The following RBFOX3 variants were observed in gnomAD, a reference collection of about 807,000 sequenced individuals.
RBFOX3 encodes the protein RNA binding protein fox-1 homolog 3.
RBFOX3 carries 17 observed loss-of-function variants against 48.7 expected under a neutral mutation model. That is an observed-to-expected ratio of 0.35 (90% CI 0.24 to 0.52). RBFOX3 has a LOEUF of 0.52. RBFOX3 is among the 20% of genes least tolerant of loss of function. The pLI is 0.94. For synonymous variants in RBFOX3, 212 were observed against 209.5 expected (o/e 1.01, Z -0.10); for missense variants, 382 against 497.5 (o/e 0.77, Z 2.21).
Position 79,545,788 on chromosome 17 carries a change from C to T in RBFOX3, c.-319-63190G>A, listed in dbSNP as rs567783068. On this transcript the variant is annotated intron_variant, in intron 1 of 14. Transcript: ENST00000693108. ...CCACCCTGCTCCAGGTTCTCACAGC[C>T]ACCAGGACGGTTCCAGACATGCACA... 2.6e-5 allele frequency among the ~76,000 whole-genome samples: 4 copies of T among 152,358 alleles called. No individual in the cohort carries two copies. In the East Asian group the frequency reaches 7.7e-4, roughly 29 times the overall value.
the RBFOX3 span, among the ~76,000 whole-genome samples, chr17:79,639,956 T>C: frequency 6.6e-6 from 1 of 152,194 alleles, no homozygotes; most frequent in Non-Finnish European, 1.5e-5. Flanking sequence ...TTCAACGTAG[T>C]ACAGGAAGTT....
intron 1 of RBFOX3, among the ~76,000 whole-genome samples, chr17:79,558,612 AC>A (rs1165099203): frequency 1.3e-5 from 2 of 152,016 alleles, no homozygotes; most frequent in African/African-American, 4.8e-5. Flanking sequence ...GGCTCCATGC[AC>A]TCACTGCTTG....
At chr17:79,372,486 G>A (rs884446) in intron 2 of RBFOX3, among the ~76,000 whole-genome samples, 30,755 of 149,060 alleles carry the variant, frequency 0.21, 3,185 homozygotes, top group East Asian at 0.35. Context: ...CCATGGCTCC[G>A]CCTCTGTGTG....
At chr17:79,611,755 G>A (rs2145584135), upstream of RBFOX3, among the ~76,000 whole-genome samples, 1 of 152,292 alleles carries the variant, frequency 6.6e-6, no homozygotes, top group South Asian at 2.1e-4. Context: ...CAGGTGCCCT[G>A]ACTTCCTGGA....
At chr17:79,092,669 A>T (rs2074172777) in intron 14 of RBFOX3, 1 of 972,924 alleles carries the variant, frequency 1.0e-6, no homozygotes, top group South Asian at 4.7e-5. Context: ...AAAAACAGCC[A>T]ATCAGTACCG....
At chr17:79,516,748 A>C (rs1227059064) in intron 1 of RBFOX3, among the ~76,000 whole-genome samples, 1 of 152,224 alleles carries the variant, frequency 6.6e-6, no homozygotes, top group Non-Finnish European at 1.5e-5. Context: ...CACACTGTGC[A>C]TGGATGGATG....
rs138992402 is a variant in RBFOX3 at position 79,214,792 on chromosome 17, A to G, written c.-34+20974T>C. Reference sequence around the variant, plus strand: ...CCTCATTACAAGGCTTGTTAAATGCACAGACAGGATATTAGCGTTTAAACA... The same window carrying G: ...CCTCATTACAAGGCTTGTTAAATGCGCAGACAGGATATTAGCGTTTAAACA... On this transcript the variant is annotated intron_variant, in intron 4 of 14. Transcript: ENST00000693108. The surrounding 1 kb of genome is among the most constrained non-coding windows in gnomAD (Gnocchi z 4.7). Among the ~76,000 whole-genome samples, 4 of 152,272 alleles carry G rather than the reference A, an allele frequency of 2.6e-5. No individual in the cohort carries two copies. The East Asian group carries it at 7.7e-4, about 29-fold the overall frequency.
chr17:79,173,093 C>T (rs2049716815), intron 4 of RBFOX3, among the ~76,000 whole-genome samples: 1 of 152,106 alleles, frequency 6.6e-6, no homozygotes, highest in Admixed American at 6.5e-5. Flanking sequence ...GCCTGTAATC[C>T]CAGCTACTTG....
intron 4 of RBFOX3, among the ~76,000 whole-genome samples, chr17:79,145,179 T>TCC (rs2042766844): frequency 6.6e-6 from 1 of 152,094 alleles, no homozygotes; most frequent in African/African-American, 2.4e-5. Flanking sequence ...ACAGATTCTG[T>TCC]CCCATCATCG....
At chr17:79,499,983 G>A (rs1431397107) in intron 1 of RBFOX3, among the ~76,000 whole-genome samples, 3 of 152,230 alleles carry the variant, frequency 2.0e-5, no homozygotes, top group Non-Finnish European at 2.9e-5. Flanking sequence ...GCCTGCCGTG[G>A]GACTTGTTCA....
intron 1 of RBFOX3, among the ~76,000 whole-genome samples, chr17:79,509,777 T>C (rs1285319498): frequency 6.6e-6 from 1 of 151,914 alleles, no homozygotes; most frequent in African/African-American, 2.4e-5. Context: ...GGGCTGTGCA[T>C]GGAGGGAGAA....
intron 5 of RBFOX3, among the ~76,000 whole-genome samples, chr17:79,112,874 G>A (rs1213056087): frequency 1.4e-5 from 2 of 138,662 alleles, no homozygotes; most frequent in African/African-American, 5.3e-5. Context: ...TGTGTGCCCT[G>A]ACCTGGTGCC....
At chr17:79,244,036 C>T (rs961818380) in intron 3 of RBFOX3, among the ~76,000 whole-genome samples, 2 of 152,162 alleles carry the variant, frequency 1.3e-5, no homozygotes, top group African/African-American at 4.8e-5. Flanking sequence ...CGGCCTTCCA[C>T]ACATGAAGGA....
chr17:79,360,492 C>T (rs62063962), intron 2 of RBFOX3, among the ~76,000 whole-genome samples: 5 of 152,120 alleles, frequency 3.3e-5, no homozygotes, highest in African/African-American at 1.2e-4. Flanking sequence ...TCAGCAGGGA[C>T]GTGAACAGTT....
At chr17:79,183,333 C>G in intron 4 of RBFOX3, 1 of 152,682 alleles carries the variant, frequency 6.5e-6, no homozygotes, top group South Asian at 1.9e-4. Context: ...AGTTGGACAG[C>G]AGGAGGCAGC....
chr17:79,142,553 A>G (rs2042116895), intron 4 of RBFOX3, among the ~76,000 whole-genome samples: 1 of 151,958 alleles, frequency 6.6e-6, no homozygotes, highest in Admixed American at 6.5e-5. Flanking sequence ...CAACGCTGCA[A>G]CTAAACTCCG....
chr17:79,459,740 A>G (rs76608630), intron 2 of RBFOX3, among the ~76,000 whole-genome samples: 21,133 of 152,130 alleles, frequency 0.14, 1,776 homozygotes, highest in Middle Eastern at 0.22. Context: ...GGACACAGAG[A>G]TGATGATGGT....
chr17:79,131,772 G>A (rs562895879), intron 4 of RBFOX3, among the ~76,000 whole-genome samples: 27 of 152,306 alleles, frequency 1.8e-4, no homozygotes, highest in Admixed American at 6.5e-4. Context: ...AGTGATGCCA[G>A]GGGCCTCCCT....
At chr17:79,466,277 T>C (rs554540077) in intron 2 of RBFOX3, among the ~76,000 whole-genome samples, 3 of 152,270 alleles carry the variant, frequency 2.0e-5, no homozygotes, top group Non-Finnish European at 4.4e-5. Context: ...TGGTTGAGCA[T>C]CACAAAGCCA....
Sources: gnomAD v4.1 joint callset for allele counts (sites outside exome capture counted in the v4.1 genomes callset) on GRCh38, gnomAD v4.1.1 for gene constraint, Gnocchi (gnomAD v3.1) non-coding constraint, MANE v1.5 for transcripts, NCBI Gene and HGNC (gene_info 2026-07-23, HGNC 2026-07-21) for gene names.